The following PXDNL variants were observed in gnomAD, a reference collection of about 807,000 sequenced individuals.
PXDNL encodes the protein probable oxidoreductase PXDNL.
Under a neutral mutation model 150.8 loss-of-function variants are expected in PXDNL, and 145 were observed. The observed-to-expected ratio is 0.96, with a 90% CI of 0.84 to 1.10. The LOEUF is 1.10. PXDNL is among the 50% of genes least tolerant of loss of function. The pLI, the probability that PXDNL is intolerant of heterozygous loss-of-function variation, is 0.00. For missense variants in PXDNL, 2,087 were observed against 1,873.9 expected, an observed-to-expected ratio of 1.11 and a Z score of -2.10; for synonymous variants, 757 against 725.7, an observed-to-expected ratio of 1.04 and a Z score of -0.69.
intron 20 of PXDNL, among the ~76,000 whole-genome samples, chr8:51,344,754 A>T (rs1227796391): frequency 6.6e-6 from 1 of 152,218 alleles, no homozygotes; most frequent in Admixed American, 6.5e-5. Context: ...CTATATTAGT[A>T]TTCAGTGCTT....
intron 10 of PXDNL, among the ~76,000 whole-genome samples, chr8:51,450,650 G>A (rs1402344386): frequency 6.6e-6 from 1 of 152,120 alleles, no homozygotes; most frequent in Non-Finnish European, 1.5e-5. Context: ...TAAGGTGCTG[G>A]ACTAAATATG....
intron 1 of PXDNL, among the ~76,000 whole-genome samples, chr8:51,802,552 G>A (rs1461169976): frequency 6.6e-6 from 1 of 152,170 alleles, no homozygotes; most frequent in East Asian, 1.9e-4. Flanking sequence ...TTCTTCCAGT[G>A]TGGCCCAGGA....
chr8:51,389,080 G>A (rs1369175326), intron 17 of PXDNL, among the ~76,000 whole-genome samples: 1 of 152,036 alleles, frequency 6.6e-6, no homozygotes, highest in African/African-American at 2.4e-5. Flanking sequence ...CTATCTTGCA[G>A]CTACATATTT....
chr8:51,562,423 CTT>C (rs1812737326), intron 3 of PXDNL, among the ~76,000 whole-genome samples: 1 of 151,952 alleles, frequency 6.6e-6, no homozygotes, highest in African/African-American at 2.4e-5. Context: ...CCAATAATAA[CTT>C]ATACGAATGA....
chr8:51,719,809 A>G (rs961401675), intron 1 of PXDNL, among the ~76,000 whole-genome samples: 2 of 152,130 alleles, frequency 1.3e-5, no homozygotes, highest in African/African-American at 4.8e-5. Flanking sequence ...ATTCTTCCAG[A>G]GTATCATATG....
intron 4 of PXDNL, among the ~76,000 whole-genome samples, chr8:51,552,372 A>T (rs543596381): frequency 2.0e-5 from 3 of 152,232 alleles, no homozygotes; most frequent in African/African-American, 4.8e-5. Flanking sequence ...AAACAGACAC[A>T]TGCACAACTA....
At chr8:51,806,791 A>G (rs1038020322) in intron 1 of PXDNL, among the ~76,000 whole-genome samples, 15 of 152,300 alleles carry the variant, frequency 9.8e-5, no homozygotes, top group African/African-American at 3.6e-4. Flanking sequence ...GCCATCAATT[A>G]GCTAAGTAAC....
Position 51,549,898 on chromosome 8 carries a change from T to C in PXDNL, c.380+6942A>G, listed in dbSNP as rs112521751. Among the ~76,000 whole-genome samples, 939 of 152,118 alleles carry C rather than the reference T, an allele frequency of 6.2e-3. 3 individuals carry two copies. Among genetic ancestry groups the C allele is most frequent in the African/African-American group, 0.022 (893 of 41,532 alleles). ...AAAAGACACAAAAACAAAAAGCTGG[T>C]TCTTTGAAAAGATAAACAAAATCAA... On this transcript the variant is annotated intron_variant, in intron 4 of 22. Coordinates refer to ENST00000356297, the MANE Select transcript of PXDNL (RefSeq NM_144651.5).
At chr8:51,480,955 T>A (rs1395047757) in intron 6 of PXDNL, among the ~76,000 whole-genome samples, 1 of 152,346 alleles carries the variant, frequency 6.6e-6, no homozygotes, top group Non-Finnish European at 1.5e-5. Context: ...CAGACTAATA[T>A]AATAAATTGG....
At chr8:51,377,541 G>A (rs1807365683) in intron 17 of PXDNL, among the ~76,000 whole-genome samples, 1 of 152,196 alleles carries the variant, frequency 6.6e-6, no homozygotes, top group Non-Finnish European at 1.5e-5. Context: ...CAGGAACCGG[G>A]GCTGCACAGG....
intron 19 of PXDNL, among the ~76,000 whole-genome samples, chr8:51,362,735 C>G (rs1586035281): frequency 6.6e-6 from 1 of 151,936 alleles, no homozygotes; most frequent in Non-Finnish European, 1.5e-5. Context: ...GGCAATGAAG[C>G]ATGTGATTGA....
intron 1 of PXDNL, among the ~76,000 whole-genome samples, chr8:51,750,751 T>C (rs894411314): frequency 6.6e-6 from 1 of 152,252 alleles, no homozygotes; most frequent in Non-Finnish European, 1.5e-5. Context: ...ATATTGTTAA[T>C]ATCTACTGTT....
At chr8:51,714,912 A>G (rs544951062) in intron 1 of PXDNL, among the ~76,000 whole-genome samples, 7 of 152,338 alleles carry the variant, frequency 4.6e-5, no homozygotes, top group African/African-American at 1.7e-4. Flanking sequence ...CTTCTACCAA[A>G]GAATAAATTG....
intron 1 of PXDNL, among the ~76,000 whole-genome samples, chr8:51,716,846 A>T (rs533740436): frequency 6.6e-6 from 1 of 152,188 alleles, no homozygotes; most frequent in East Asian, 1.9e-4. Flanking sequence ...AAGCAAGGGG[A>T]AGAGATGCAA....
chr8:51,332,634 G>GA (rs1439325177), intron 21 of PXDNL, among the ~76,000 whole-genome samples: 1 of 151,530 alleles, frequency 6.6e-6, no homozygotes, highest in African/African-American at 2.4e-5. Flanking sequence ...AGTGCTTAAA[G>GA]AAAAAAACAA....
chr8:51,535,701 C>T (rs1166706893), intron 4 of PXDNL, among the ~76,000 whole-genome samples: 1 of 137,754 alleles, frequency 7.3e-6, no homozygotes, highest in African/African-American at 3.2e-5. Context: ...GAGAAACACC[C>T]AAGAATGATC....
chr8:51,572,053 A>C (rs1054461471), intron 3 of PXDNL, among the ~76,000 whole-genome samples: 1 of 151,874 alleles, frequency 6.6e-6, no homozygotes, highest in Non-Finnish European at 1.5e-5. Context: ...TGTAAATTGA[A>C]AACAGTGTAG....
At chr8:51,615,159 A>G (rs1240771993) in intron 2 of PXDNL, among the ~76,000 whole-genome samples, 4 of 152,212 alleles carry the variant, frequency 2.6e-5, no homozygotes, top group Non-Finnish European at 5.9e-5. Context: ...AATTTCCACT[A>G]GCAGTACAAC....
At position 51,408,637 on chromosome 8, in the gene PXDNL, G is replaced by A. The variant is rs1323750017; in HGVS notation, c.2987C>T (p.Thr996Met). ...SALNPHWEGN[T>M]VYQEARKIVG... ...GATCTTCCTGGCTTCCTGGTAAACC[G>A]TGTTTCCCTCCCAGTGGGGGTTCAG... The change falls in exon 17 of 23, where the codon ACG (threonine) becomes ATG (methionine). Residue 996 changes from threonine to methionine, a missense_variant. By Grantham distance (81) the Thr-to-Met change is moderately conservative (BLOSUM62 -1). Transcript: ENST00000356297. The A allele has an allele frequency of 3.7e-6, 6 of 1,607,670 alleles. No homozygotes were observed. Among genetic ancestry groups the A allele is most frequent in the East Asian group, 2.2e-5 (1 of 44,624 alleles).
Sources: gnomAD v4.1 joint callset for allele counts (sites outside exome capture counted in the v4.1 genomes callset) on GRCh38, gnomAD v4.1.1 for gene constraint, MANE v1.5 for transcripts, NCBI Gene and HGNC (gene_info 2026-07-23, HGNC 2026-07-21) for gene names.